ABAT: variants seen among roughly 807,000 people sequenced by gnomAD.
ABAT encodes the protein 4-aminobutyrate aminotransferase, mitochondrial.
In ABAT, 45 loss-of-function variants were observed where a neutral mutation model predicts 64.6. The observed-to-expected ratio is 0.70, with a 90% CI of 0.55 to 0.89. The LOEUF (loss-of-function observed/expected upper bound fraction) is 0.89. Ranked by LOEUF, ABAT falls within the 40% of genes least tolerant of loss-of-function variation. ABAT has a pLI of 0.00. For missense variants in ABAT, 633 were observed against 658.4 expected (o/e 0.96, Z 0.42); for synonymous variants, 297 against 250.5 (o/e 1.19, Z -1.75).
Position 8,773,158 on chromosome 16 carries a change from AT to A in ABAT, c.954+252del, listed in dbSNP as rs57095363. Among the ~76,000 whole-genome samples the A allele has an allele frequency of 1.2e-3, 153 of 126,990 alleles. 1 individual carries two copies. Among genetic ancestry groups the A allele is most frequent in the Middle Eastern group, 8.1e-3 (2 of 246 alleles). The allele number at this position is 126,990 out of a possible 152,430, so 83.3% of individuals were successfully genotyped here. A position where few individuals can be genotyped will look rare whatever the true frequency, so the allele number is the denominator to read the frequency against. ...CACACACACACACACATATATATAT[AT>A]TTTTTTTTTTGAGACAGAGTCTCAC... On this transcript the variant is annotated intron_variant, in intron 12 of 15. Transcript: ENST00000268251.
intron 1 of ABAT, chr16:8,683,552 A>AT (rs2057382671): frequency 3.9e-5 from 1 of 25,812 alleles, no homozygotes; most frequent in Non-Finnish European, 1.0e-4. Context: ...CCCTGTTTCT[A>AT]AAAAAAAAAA....
intron 1 of ABAT, among the ~76,000 whole-genome samples, chr16:8,724,731 GAAAAAAAAAAAAAACAAAAAAAA>G (rs1482830454): frequency 1.1e-4 from 8 of 73,194 alleles, no homozygotes; most frequent in African/African-American, 2.6e-4. Flanking sequence ...CTTGTCTCAG[GAAAAAAAAAAAAAACAAAAAAAA>G]AAAAAAAAAA....
intron 1 of ABAT, among the ~76,000 whole-genome samples, chr16:8,691,776 G>T (rs988370365): frequency 6.6e-6 from 1 of 152,110 alleles, no homozygotes; most frequent in Non-Finnish European, 1.5e-5. Flanking sequence ...AGATGCTTTT[G>T]GTTGTTACAA....
intron 2 of ABAT, among the ~76,000 whole-genome samples, chr16:8,744,541 T>C (rs1273369211): frequency 6.6e-6 from 1 of 151,210 alleles, no homozygotes; most frequent in Non-Finnish European, 1.5e-5. Flanking sequence ...CTAGTTTTTA[T>C]ATTTTTGATA....
intron 11 of ABAT, 77 bp downstream of exon 11, chr16:8,769,050 GA>G (rs2060026902): frequency 3.1e-6 from 5 of 1,593,642 alleles, no homozygotes; most frequent in Non-Finnish European, 4.3e-6. Flanking sequence ...GGGGAGAAGA[GA>G]AACAGATGAA....
At position 8,735,747 on chromosome 16, in the gene ABAT, C is replaced by T. The variant is rs762912862; in HGVS notation, c.8C>T (p.Ser3Phe). 1.9e-6 allele frequency: 3 copies of T among 1,604,708 alleles called. No homozygotes were observed. The highest frequency in any genetic ancestry group is 2.6e-6 in the Non-Finnish European group (3 of 1,175,796). Reference sequence around the variant, plus strand: ...CCTGTCCCTCAAGGGGTCATGGCCTCCATGTTGCTCGCCCAGCGCCTGGCC... The same window carrying T: ...CCTGTCCCTCAAGGGGTCATGGCCTTCATGTTGCTCGCCCAGCGCCTGGCC... MA[S>F]MLLAQRLACS... The change falls in exon 2 of 16, where the codon TCC becomes TTC. Residue 3 changes from serine (S) to phenylalanine (F), a missense_variant. By Grantham distance (155) the Ser-to-Phe change is radical. Transcript: ENST00000268251.
chr16:8,726,127 C>T (rs776173436), intron 1 of ABAT, among the ~76,000 whole-genome samples: 3 of 152,146 alleles, frequency 2.0e-5, no homozygotes, highest in Non-Finnish European at 4.4e-5. Context: ...CTCTCTATGC[C>T]CGTGACTTCA....
intron 1 of ABAT, among the ~76,000 whole-genome samples, chr16:8,697,523 G>C (rs2057729503): frequency 6.6e-6 from 1 of 152,190 alleles, no homozygotes; most frequent in Non-Finnish European, 1.5e-5. Context: ...GTCCAGGCAT[G>C]AGCAATTGCA....
chr16:8,771,003 A>C (rs2060089272), intron 11 of ABAT, among the ~76,000 whole-genome samples: 3 of 152,216 alleles, frequency 2.0e-5, no homozygotes, highest in Admixed American at 6.5e-5. Context: ...AATGCTCTAA[A>C]AACAAAGAAA....
chr16:8,752,707 C>T (rs2059523899), intron 5 of ABAT, among the ~76,000 whole-genome samples: 1 of 152,146 alleles, frequency 6.6e-6, no homozygotes, highest in African/African-American at 2.4e-5. Flanking sequence ...TTTGAGGCTG[C>T]AGTGGGCTAT....
intron 1 of ABAT, among the ~76,000 whole-genome samples, chr16:8,682,549 C>T (rs576964029): frequency 4.6e-5 from 7 of 152,216 alleles, no homozygotes; most frequent in East Asian, 1.9e-4. Context: ...GAATCACCGG[C>T]GGCCAGAATG....
At position 8,768,835 on chromosome 16, in the gene ABAT, G is replaced by C. The variant is rs112564762; in HGVS notation, c.678G>C (p.Ala226=). The change falls in exon 11 of 16, where the codon GCG becomes GCC. Residue 226 remains alanine (A), a synonymous_variant. Coordinates refer to ENST00000268251, the MANE Select transcript of ABAT (RefSeq NM_020686.6). ...TTTTGCTGAACTCAGGTTGCTTAGC[G>C]ACCACGCACTCTAAAGCCATTCACA... ...AFHGRTMGCL[A]TTHSKAIHKI... The C allele has an allele frequency of 8.1e-6, 13 of 1,613,960 alleles. No individual in the cohort carries two copies. In the African/African-American group the frequency reaches 1.2e-4, roughly 15 times the overall value.
intron 13 of ABAT, among the ~76,000 whole-genome samples, 175 bp downstream of exon 13, chr16:8,775,232 C>A (rs1596471910): frequency 2.0e-5 from 3 of 151,624 alleles, no homozygotes; most frequent in African/African-American, 7.3e-5. Context: ...CCAGCTCTCT[C>A]TGTAAGGCCA....
chr16:8,715,524 G>A (rs7206673), intron 1 of ABAT: 27,327 of 151,418 alleles, frequency 0.18, 2,822 homozygotes, highest in African/African-American at 0.27. Context: ...TACTCAGGAG[G>A]CTGAGGCAAG....
intron 2 of ABAT, among the ~76,000 whole-genome samples, chr16:8,744,583 G>A (rs2059276431): frequency 6.6e-6 from 1 of 151,958 alleles, no homozygotes; most frequent in Non-Finnish European, 1.5e-5. Flanking sequence ...GGCCAGGCTG[G>A]TCTTGAACTC....
chr16:8,746,174 T>C (rs2059323161), intron 3 of ABAT, 76 bp downstream of exon 3: 1 of 1,060,100 alleles, frequency 9.4e-7, no homozygotes, highest in Non-Finnish European at 1.4e-6. Flanking sequence ...ACAGCCAAGC[T>C]TAGGGACCTG....
At chr16:8,763,961 C>A (rs1050916920) in intron 6 of ABAT, 108 bp from the exon 7 acceptor site, 5 of 918,054 alleles carry the variant, frequency 5.4e-6, no homozygotes, top group Admixed American at 1.8e-5. Context: ...CATCCTGCAA[C>A]CCCATTTGGA....
Position 8,766,920 on chromosome 16 carries a change from G to A in ABAT, c.603+650G>A, listed in dbSNP as rs148741424. On this transcript the variant is annotated intron_variant, in intron 9 of 15. Coordinates refer to ENST00000268251, the MANE Select transcript of ABAT (RefSeq NM_020686.6). The stretch of plus-strand genomic sequence containing the variant: ...ACGGGCGCGGAGGTTGCAGTAGGCC[G>A]AGATCTCACCACTGCACTCCAGCCT... Among the ~76,000 whole-genome samples, 819 of 151,802 alleles carry A rather than the reference G, an allele frequency of 5.4e-3. 11 individuals carry two copies. Among genetic ancestry groups the A allele is most frequent in the African/African-American group, 0.018 (741 of 41,390 alleles).
At chr16:8,696,015 A>G (rs1365520801) in intron 1 of ABAT, among the ~76,000 whole-genome samples, 1 of 152,210 alleles carries the variant, frequency 6.6e-6, no homozygotes, top group Non-Finnish European at 1.5e-5. Context: ...CAGCCTCCAG[A>G]GTGGATCCCG....
Sources: allele counts gnomAD v4.1 joint callset (sites outside exome capture counted in the v4.1 genomes callset), GRCh38; gene constraint gnomAD v4.1.1; transcripts MANE v1.5; gene names NCBI Gene and HGNC (gene_info 2026-07-23, HGNC 2026-07-21).